The following FBXO15 variants were observed in gnomAD, a reference collection of about 807,000 sequenced individuals.
The protein encoded by FBXO15 is F-box protein 15.
In FBXO15, 30 loss-of-function variants were observed where a neutral mutation model predicts 49.5. That is an observed-to-expected ratio of 0.61 (90% CI 0.45 to 0.82). The LOEUF (loss-of-function observed/expected upper bound fraction) is 0.82, where lower values mean the gene tolerates loss of function less well. Among genes scored for constraint, FBXO15 ranks in the 40% least tolerant of loss-of-function variants. The pLI is 0.00. For missense variants in FBXO15, 591 were observed against 631.5 expected (o/e 0.94, Z 0.69); for synonymous variants, 250 against 232.7 (o/e 1.07, Z -0.68).
intron 9 of FBXO15, among the ~76,000 whole-genome samples, chr18:74,081,319 T>G (rs1361389270): frequency 6.6e-6 from 1 of 152,146 alleles, no homozygotes; most frequent in Non-Finnish European, 1.5e-5. Context: ...TAAAATAAAG[T>G]TGGAGAGTGA....
intron 9 of FBXO15, among the ~76,000 whole-genome samples, chr18:74,079,419 A>G (rs1164484974): frequency 2.0e-5 from 3 of 152,220 alleles, no homozygotes; most frequent in Non-Finnish European, 4.4e-5. Context: ...CACTGAAAGC[A>G]TCTTTAAATG....
intron 5 of FBXO15, among the ~76,000 whole-genome samples, chr18:74,128,578 G>A (rs1418133527): frequency 6.6e-6 from 1 of 152,230 alleles, no homozygotes; most frequent in Non-Finnish European, 1.5e-5. Context: ...CAACGCAGGA[G>A]AAGGCAGGTA....
At chr18:74,118,938 G>A (rs1914359553) in intron 8 of FBXO15, among the ~76,000 whole-genome samples, 1 of 152,172 alleles carries the variant, frequency 6.6e-6, no homozygotes, top group South Asian at 2.1e-4. Context: ...CTTCCTCTGG[G>A]TTGTAAGAGA....
intron 2 of FBXO15, 100 bp from the exon 3 acceptor site, chr18:74,135,966 G>T (rs1031941574): frequency 5.7e-6 from 5 of 883,050 alleles, no homozygotes; most frequent in Non-Finnish European, 8.7e-6. Context: ...CTAAATAGAA[G>T]GCCGTAGAGA....
chr18:74,103,132 A>G (rs1403241763), intron 8 of FBXO15, among the ~76,000 whole-genome samples: 1 of 152,104 alleles, frequency 6.6e-6, no homozygotes, highest in East Asian at 1.9e-4. Context: ...AAAGAAAAGC[A>G]ATTCAGAAAT....
At chr18:74,122,309 T>C (rs997915784) in intron 8 of FBXO15, among the ~76,000 whole-genome samples, 2 of 152,234 alleles carry the variant, frequency 1.3e-5, no homozygotes, top group African/African-American at 4.8e-5. Flanking sequence ...GCTGTCACAG[T>C]ATTGGGTTCC....
At chr18:74,091,497 A>G (rs745450870) in intron 8 of FBXO15, among the ~76,000 whole-genome samples, 6 of 152,118 alleles carry the variant, frequency 3.9e-5, no homozygotes, top group Non-Finnish European at 8.8e-5. Flanking sequence ...TCACTGGTCT[A>G]TGTACTTAAT....
chr18:74,139,938 T>A (rs1278631426), intron 2 of FBXO15, among the ~76,000 whole-genome samples: 1 of 152,158 alleles, frequency 6.6e-6, no homozygotes. Flanking sequence ...AACTCAAAAG[T>A]GAATATTTTT....
chr18:74,083,331 C>T (rs559898560), intron 8 of FBXO15, among the ~76,000 whole-genome samples: 2 of 152,350 alleles, frequency 1.3e-5, no homozygotes, highest in East Asian at 3.9e-4. Flanking sequence ...CTCATCACCT[C>T]GTCACCTCAG....
intron 9 of FBXO15, among the ~76,000 whole-genome samples, chr18:74,080,070 AT>A (rs1912426705): frequency 6.6e-6 from 1 of 152,136 alleles, no homozygotes; most frequent in Non-Finnish European, 1.5e-5. Flanking sequence ...TTTATTTTAC[AT>A]TTTTTTAAAA....
chr18:74,103,085 TC>T (rs1174826424), intron 8 of FBXO15, among the ~76,000 whole-genome samples: 4 of 151,456 alleles, frequency 2.6e-5, no homozygotes, highest in African/African-American at 9.7e-5. Context: ...TACCACCTGT[TC>T]CCCCAAAAAC....
intron 3 of FBXO15, chr18:74,130,915 C>A: frequency 2.9e-6 from 1 of 347,360 alleles, no homozygotes. Flanking sequence ...TGAGTAATCT[C>A]ACGTTATTTA....
chr18:74,130,734 T>A, intron 3 of FBXO15, 76 bp from the exon 4 acceptor site: 1 of 1,443,072 alleles, frequency 6.9e-7, no homozygotes, highest in Non-Finnish European at 9.4e-7. Context: ...AAATTAGAGA[T>A]GCATATTTTC....
At chr18:74,097,316 G>C (rs1913321951) in intron 8 of FBXO15, 1 of 151,554 alleles carries the variant, frequency 6.6e-6, no homozygotes, top group Non-Finnish European at 1.5e-5. Context: ...TTTCACAGTT[G>C]AGAGGCAGGT....
At chr18:74,142,955 T>C (rs754836729) in intron 1 of FBXO15, among the ~76,000 whole-genome samples, 1 of 152,166 alleles carries the variant, frequency 6.6e-6, no homozygotes, top group Non-Finnish European at 1.5e-5. Context: ...AAAGATAAAA[T>C]ATCTACAATT....
At chr18:74,083,049 G>A (rs1912572261) in intron 8 of FBXO15, among the ~76,000 whole-genome samples, 1 of 152,166 alleles carries the variant, frequency 6.6e-6, no homozygotes, top group Non-Finnish European at 1.5e-5. Flanking sequence ...CACTTTGCCT[G>A]GGGCCTCTTT....
At chr18:74,121,103 AC>A (rs1308129367) in intron 8 of FBXO15, among the ~76,000 whole-genome samples, 2 of 152,140 alleles carry the variant, frequency 1.3e-5, no homozygotes, top group African/African-American at 2.4e-5. Context: ...GACAAAAAAT[AC>A]CACAGCTGAC....
chr18:74,132,910 G>C (rs1451496241), intron 3 of FBXO15, among the ~76,000 whole-genome samples: 1 of 152,194 alleles, frequency 6.6e-6, no homozygotes, highest in African/African-American at 2.4e-5. Flanking sequence ...ACACAGAAGG[G>C]AGTAGCCCCG....
chr18:74,088,506 GT>G (rs1339664190), intron 8 of FBXO15, among the ~76,000 whole-genome samples: 2 of 152,230 alleles, frequency 1.3e-5, no homozygotes, highest in East Asian at 3.9e-4. Flanking sequence ...AGATCAGATG[GT>G]TGTAGGTGTG....
Sources: allele counts gnomAD v4.1 joint callset (sites outside exome capture counted in the v4.1 genomes callset), GRCh38; gene constraint gnomAD v4.1.1; transcripts MANE v1.5; gene names NCBI Gene and HGNC (gene_info 2026-07-23, HGNC 2026-07-21).